The following SLC26A3 variants were observed in gnomAD, a reference collection of about 807,000 sequenced individuals.
SLC26A3 encodes chloride anion exchanger.
Under a neutral mutation model 85.6 loss-of-function variants are expected in SLC26A3, and 64 were observed. That is an observed-to-expected ratio of 0.75 (90% confidence interval 0.61 to 0.92). The LOEUF (loss-of-function observed/expected upper bound fraction) is 0.92, where lower values mean the gene tolerates loss of function less well. Ranked by LOEUF, SLC26A3 falls within the 40% of genes least tolerant of loss-of-function variation. SLC26A3 has a pLI of 0.00. For missense variants in SLC26A3, 922 were observed against 927.3 expected (o/e 0.99, Z 0.07); for synonymous variants, 349 against 336.0 (o/e 1.04, Z -0.42).
intron 2 of SLC26A3, 56 bp downstream of exon 2, chr7:107,794,323 G>C (rs1794457811): frequency 1.3e-6 from 2 of 1,599,312 alleles, no homozygotes; most frequent in Non-Finnish European, 1.7e-6. Context: ...AGAAAATTTA[G>C]GGGAAAGTGC....
At chr7:107,800,109 C>T (rs993607167) in intron 1 of SLC26A3, among the ~76,000 whole-genome samples, 17 of 152,202 alleles carry the variant, frequency 1.1e-4, no homozygotes, top group Non-Finnish European at 2.2e-4. Flanking sequence ...TCCTAACACG[C>T]TATGATATTT....
intron 15 of SLC26A3, among the ~76,000 whole-genome samples, chr7:107,775,593 G>A (rs1794098524): frequency 6.6e-6 from 1 of 151,800 alleles, no homozygotes; most frequent in Non-Finnish European, 1.5e-5. Flanking sequence ...TTAGCGGGGT[G>A]TAGTGGCACA....
rs116323599 is a variant in SLC26A3, at chr7:107,776,885, T to G, written c.1515-179A>C. 1.6e-3 allele frequency: 1,051 copies of G among 668,678 alleles called. 7 individuals are homozygous for G. The African/African-American group carries it at 0.017, about 11-fold the overall frequency. 41.4% of individuals were successfully genotyped at this position (668,678 alleles called of 1,614,324 possible). The stretch of plus-strand genomic sequence containing the variant: ...ACACCTTGTTTTACTTATCTTTGTG[T>G]CCTCTCACAGCACCTGAAAAGTGCC... On this transcript the variant is annotated intron_variant, in intron 13 of 20. Coordinates refer to ENST00000340010, the MANE Select transcript of SLC26A3 (RefSeq NM_000111.3).
At chr7:107,770,656 A>G (rs1185200875) in intron 18 of SLC26A3, among the ~76,000 whole-genome samples, 1 of 152,162 alleles carries the variant, frequency 6.6e-6, no homozygotes, top group East Asian at 1.9e-4. Context: ...TATAAGCTTC[A>G]TGAGGACAGA....
intron 1 of SLC26A3, among the ~76,000 whole-genome samples, chr7:107,801,198 T>C (rs1033201772): frequency 6.6e-6 from 1 of 152,234 alleles, no homozygotes; most frequent in African/African-American, 2.4e-5. Context: ...AATGACTTTC[T>C]CAACTTCCCA....
Position 107,793,876 on chromosome 7 carries a change from G to A in SLC26A3, c.137C>T (p.Ser46Phe), listed in dbSNP as rs779418017. 4 of 1,613,994 alleles carry A rather than the reference G, an allele frequency of 2.5e-6. No individual in the cohort carries two copies. The Admixed American group carries it at 5.0e-5, about 20-fold the overall frequency. ...GACAATTCTCTTGGCCTTTTGTGGG[G>A]AACAGCTGAAAACATGGAAAGCCAC... ...LDHLKVCCSC[S>F]PQKAKRIVLS... The change falls in exon 3 of 21, where the codon TCC (serine) becomes TTC (phenylalanine). Residue 46 changes from serine to phenylalanine, a missense_variant. Ser to Phe is a radical substitution (Grantham distance 155). Transcript: ENST00000340010.
In SLC26A3 at chr7:107,792,835, T is replaced by A. The variant is rs116483344; in HGVS notation, c.272-895A>T. Among the ~76,000 whole-genome samples, 1,481 of 152,294 alleles carry A rather than the reference T, an allele frequency of 9.7e-3. 22 individuals are homozygous for A. The highest frequency in any genetic ancestry group is 0.033 in the African/African-American group (1,383 of 41,550). The stretch of plus-strand genomic sequence containing the variant: ...CAGAATAAAAAAGTTATCTGCAAAT[T>A]GTATATCTGACAAGGGTCTGGTATC... On this transcript the variant is annotated intron_variant, in intron 3 of 20. Coordinates refer to ENST00000340010, the MANE Select transcript of SLC26A3 (RefSeq NM_000111.3).
At chr7:107,780,758 GA>G (rs1301323443) in intron 11 of SLC26A3, among the ~76,000 whole-genome samples, 1 of 152,156 alleles carries the variant, frequency 6.6e-6, no homozygotes, top group African/African-American at 2.4e-5. Context: ...TCACAGTTTA[GA>G]AGAAATATGG....
intron 11 of SLC26A3, among the ~76,000 whole-genome samples, chr7:107,780,686 C>T (rs1344932311): frequency 6.6e-6 from 1 of 152,094 alleles, no homozygotes; most frequent in Admixed American, 6.5e-5. Flanking sequence ...TTCTAATTTT[C>T]ACAGGTAATC....
rs386833491 is a variant in SLC26A3 at position 107,786,844 on chromosome 7, AACC to A, written c.951_953del (p.Val318del). On this transcript the variant is annotated inframe_deletion, in exon 8 of 21. Coordinates refer to ENST00000340010, the MANE Select transcript of SLC26A3 (RefSeq NM_000111.3). ...ACACTTACCCAGGATTCATGTCCCCAACCACAGCCACTTTAAACCTGTTTTTAA... is the reference window on the plus strand; with the variant it reads ...ACACTTACCCAGGATTCATGTCCCCAACAGCCACTTTAAACCTGTTTTTAA... The A allele has an allele frequency of 2.0e-4, 330 of 1,613,956 alleles. No homozygotes were observed. The highest frequency in any genetic ancestry group is 4.2e-6 in the Non-Finnish European group (5 of 1,179,876).
At chr7:107,766,332 A>G (rs1006561980) in intron 20 of SLC26A3, among the ~76,000 whole-genome samples, 2 of 152,150 alleles carry the variant, frequency 1.3e-5, no homozygotes, top group African/African-American at 4.8e-5. Context: ...GTCAGACATG[A>G]GGTAAATGCT....
At chr7:107,776,955 T>C (rs1372655537) in intron 13 of SLC26A3, among the ~76,000 whole-genome samples, 1 of 152,258 alleles carries the variant, frequency 6.6e-6, no homozygotes, top group Non-Finnish European at 1.5e-5. Context: ...CATATGCTTT[T>C]GCCATTTTGA....
At chr7:107,798,359 C>T (rs1382169440) in intron 1 of SLC26A3, among the ~76,000 whole-genome samples, 2 of 151,986 alleles carry the variant, frequency 1.3e-5, no homozygotes, top group Admixed American at 6.6e-5. Context: ...TTGTCATGTA[C>T]ATACCTCCCC....
chr7:107,776,157 T>A, intron 15 of SLC26A3: 1 of 431,590 alleles, frequency 2.3e-6, no homozygotes, highest in Non-Finnish European at 4.2e-6. Context: ...TAGGATGACA[T>A]CTACTAAAAG....
intron 6 of SLC26A3, 75 bp from the exon 7 acceptor site, chr7:107,787,584 A>G: frequency 7.7e-7 from 1 of 1,295,654 alleles, no homozygotes. Flanking sequence ...CTCCAAACAA[A>G]TAAAAATAAA....
intron 1 of SLC26A3, among the ~76,000 whole-genome samples, chr7:107,801,510 C>T (rs1041205782): frequency 2.6e-5 from 4 of 152,178 alleles, no homozygotes; most frequent in Non-Finnish European, 5.9e-5. Context: ...GGAGCCTCTT[C>T]TCTTCTCTTT....
intron 11 of SLC26A3, among the ~76,000 whole-genome samples, chr7:107,781,406 C>T (rs946928405): frequency 2.0e-5 from 3 of 151,956 alleles, no homozygotes; most frequent in African/African-American, 7.3e-5. Context: ...ATCACAGGAC[C>T]CTTTATAAAA....
At chr7:107,775,252 G>T (rs1446119790) in intron 15 of SLC26A3, among the ~76,000 whole-genome samples, 1 of 151,916 alleles carries the variant, frequency 6.6e-6, no homozygotes, top group African/African-American at 2.4e-5. Flanking sequence ...TATTCTGCTT[G>T]TATGTAATTT....
At chr7:107,772,192 C>T (rs922304503) in intron 17 of SLC26A3, 84 bp from the exon 18 acceptor site, 30 of 791,282 alleles carry the variant, frequency 3.8e-5, no homozygotes, top group African/African-American at 1.0e-4. Context: ...TTATACCTTA[C>T]GGGTGATATA....
Sources: allele counts gnomAD v4.1 joint callset (sites outside exome capture counted in the v4.1 genomes callset), GRCh38; gene constraint gnomAD v4.1.1; transcripts MANE v1.5; gene names NCBI Gene and HGNC (gene_info 2026-07-23, HGNC 2026-07-21).